The following SDK1 variants were observed in gnomAD, a reference collection of about 807,000 sequenced individuals.
SDK1 encodes the protein protein sidekick-1.
In SDK1, 157 loss-of-function variants were observed where a neutral mutation model predicts 245.5. The observed-to-expected ratio is 0.64, with a 90% CI of 0.56 to 0.73. SDK1 has a LOEUF of 0.73. Among genes scored for constraint, SDK1 ranks in the 30% least tolerant of loss-of-function variants. The probability of loss-of-function intolerance (pLI) is 0.00; values close to 1 mark genes in which losing one functional copy is unlikely to be tolerated. For synonymous variants in SDK1, 1,647 were observed against 1,278.5 expected, an observed-to-expected ratio of 1.29 and a Z score of -6.15; for missense variants, 3,583 against 3,002.3, an observed-to-expected ratio of 1.19 and a Z score of -4.52.
chr7:3,829,863 CT>C (rs1266359324), intron 5 of SDK1, among the ~76,000 whole-genome samples: 1 of 152,178 alleles, frequency 6.6e-6, no homozygotes, highest in Non-Finnish European at 1.5e-5. Flanking sequence ...GGCTGGCACC[CT>C]TTTGCAACCC....
intron 4 of SDK1, among the ~76,000 whole-genome samples, chr7:3,754,483 G>T (rs1425726334): frequency 6.6e-6 from 1 of 152,118 alleles, no homozygotes; most frequent in Admixed American, 6.5e-5. Flanking sequence ...AGCCTTTGGA[G>T]ATATTCTATC....
chr7:3,601,986 GTC>G (rs1328885875), intron 1 of SDK1, among the ~76,000 whole-genome samples: 1 of 151,936 alleles, frequency 6.6e-6, no homozygotes, highest in Non-Finnish European at 1.5e-5. Context: ...TTTCATCCAT[GTC>G]TCTACAAAGG....
chr7:3,773,174 C>T (rs1023967654), intron 4 of SDK1, among the ~76,000 whole-genome samples: 4 of 152,146 alleles, frequency 2.6e-5, no homozygotes, highest in African/African-American at 9.6e-5. Context: ...TCCCATAACA[C>T]ATATGTTTGT....
intron 1 of SDK1, among the ~76,000 whole-genome samples, chr7:3,444,509 C>G (rs115434525): frequency 2.8e-4 from 42 of 152,234 alleles, no homozygotes; most frequent in African/African-American, 1.0e-3. Context: ...ACTATTTTCT[C>G]CTTATTTAAG....
At chr7:3,614,667 A>G (rs1361690072) in intron 1 of SDK1, among the ~76,000 whole-genome samples, 3 of 152,090 alleles carry the variant, frequency 2.0e-5, no homozygotes, top group Admixed American at 2.0e-4. Flanking sequence ...TTGTTTACCT[A>G]CTGTATGTAT....
chr7:3,346,566 C>A (rs1780502425), intron 1 of SDK1, among the ~76,000 whole-genome samples: 1 of 150,700 alleles, frequency 6.6e-6, no homozygotes, highest in Non-Finnish European at 1.5e-5. Flanking sequence ...CAGGCTGGAG[C>A]TCAGTGATGT....
chr7:3,647,261 A>C (rs1057089031), intron 4 of SDK1, among the ~76,000 whole-genome samples: 2 of 152,152 alleles, frequency 1.3e-5, no homozygotes, highest in Non-Finnish European at 2.9e-5. Flanking sequence ...TATTTTTTAA[A>C]TTATATTTTA....
Position 4,158,438 on chromosome 7 carries a change from C to A in SDK1, c.4626-10C>A. 1 of 1,609,408 alleles carries A rather than the reference C, an allele frequency of 6.2e-7. No homozygotes were observed. ...GGGCCCCGGCAGTCACGGTCTCTTC[C>A]ACATTGCAGACTGAGGCCCTTCACC... is the stretch of plus-strand genomic sequence containing the variant. On this transcript the variant is annotated splice_polypyrimidine_tract_variant and intron_variant, in intron 30 of 44. Transcript: ENST00000404826.
rs113287055 is a variant in SDK1 at position 3,838,956 on chromosome 7, G to A, written c.847+17373G>A. 9.3e-3 allele frequency among the ~76,000 whole-genome samples: 1,418 copies of A among 152,272 alleles called. 25 individuals carry two copies. Among genetic ancestry groups the A allele is most frequent in the African/African-American group, 0.033 (1,357 of 41,556 alleles). On this transcript the variant is annotated intron_variant, in intron 5 of 44. Coordinates refer to ENST00000404826, the MANE Select transcript of SDK1 (RefSeq NM_152744.4). ...ATCTGCTCGGGCCCTGAAGGCATTC[G>A]TTTGGGCAGAGGCACGTCCTGTCTG...
intron 17 of SDK1, among the ~76,000 whole-genome samples, chr7:4,023,935 G>C (rs976544099): frequency 1.3e-5 from 2 of 152,222 alleles, no homozygotes; most frequent in African/African-American, 4.8e-5. Context: ...GTATGGATTA[G>C]CAAACTCCTT....
At chr7:3,430,195 G>C (rs1779798760) in intron 1 of SDK1, among the ~76,000 whole-genome samples, 2 of 152,274 alleles carry the variant, frequency 1.3e-5, no homozygotes, top group South Asian at 4.2e-4. Context: ...AGCCGTTTCA[G>C]CGAGTCACTT....
chr7:3,867,778 C>G, intron 5 of SDK1, among the ~76,000 whole-genome samples: 1 of 152,128 alleles, frequency 6.6e-6, no homozygotes, highest in East Asian at 1.9e-4. Flanking sequence ...TATTTTCTGG[C>G]TTTGGGGTAG....
intron 4 of SDK1, among the ~76,000 whole-genome samples, chr7:3,662,586 G>A (rs1461029812): frequency 6.6e-6 from 1 of 152,184 alleles, no homozygotes; most frequent in Non-Finnish European, 1.5e-5. Flanking sequence ...CTGCGGGGAC[G>A]ATTGGGAGCT....
rs1779816027 is a variant in SDK1 at position 3,827,895 on chromosome 7, G to C, written c.847+6312G>C. On this transcript the variant is annotated intron_variant, in intron 5 of 44. Coordinates refer to ENST00000404826, the MANE Select transcript of SDK1 (RefSeq NM_152744.4). ...ACCCAAGCAGAATTGGACTCGTTAT[G>C]AGTAAGAAACAAACCTTGGTATGAT... Among the ~76,000 whole-genome samples, 3 of 152,160 alleles carry C rather than the reference G, an allele frequency of 2.0e-5. No homozygotes were observed. In the South Asian group the frequency reaches 6.2e-4, roughly 32 times the overall value.
At chr7:4,130,923 A>G (rs2128198977) in intron 27 of SDK1, among the ~76,000 whole-genome samples, 1 of 152,232 alleles carries the variant, frequency 6.6e-6, no homozygotes, top group South Asian at 2.1e-4. Flanking sequence ...AATGAGCCCG[A>G]AAGTCCTCTT....
chr7:3,908,148 G>A (rs1417689643), intron 5 of SDK1, among the ~76,000 whole-genome samples: 2 of 152,168 alleles, frequency 1.3e-5, no homozygotes, highest in African/African-American at 2.4e-5. Context: ...TAACCCTGGA[G>A]TAACGTGCTG....
intron 2 of SDK1, among the ~76,000 whole-genome samples, chr7:3,625,978 C>G (rs1238487689): frequency 4.3e-5 from 6 of 138,890 alleles, no homozygotes; most frequent in Admixed American, 7.6e-5. Flanking sequence ...GGGTCTCACT[C>G]TGTCACCCAG....
chr7:4,047,845 G>T (rs944935201), intron 17 of SDK1, among the ~76,000 whole-genome samples: 3 of 152,168 alleles, frequency 2.0e-5, no homozygotes, highest in Non-Finnish European at 4.4e-5. Context: ...AACTTTTCTT[G>T]TTCTTAGGTG....
chr7:3,374,660 C>T (rs1781309663), intron 1 of SDK1, among the ~76,000 whole-genome samples: 1 of 152,030 alleles, frequency 6.6e-6, no homozygotes. Flanking sequence ...TATTCTGTTC[C>T]CTCTGCCTAG....
Sources: gnomAD v4.1 joint callset for allele counts (sites outside exome capture counted in the v4.1 genomes callset) on GRCh38, gnomAD v4.1.1 for gene constraint, MANE v1.5 for transcripts, NCBI Gene and HGNC (gene_info 2026-07-23, HGNC 2026-07-21) for gene names.